The following OXR1 variants were observed in gnomAD, a reference collection of about 807,000 sequenced individuals.
OXR1 encodes the protein oxidation resistance protein 1.
In OXR1, 41 loss-of-function variants were observed where a neutral mutation model predicts 104.6. The ratio of observed to expected loss-of-function variants is 0.39; its 90% CI spans 0.31 to 0.51. The LOEUF (loss-of-function observed/expected upper bound fraction) is 0.51, where lower values mean the gene tolerates loss of function less well. Ranked by LOEUF, OXR1 falls within the 20% of genes least tolerant of loss-of-function variation. OXR1 has a pLI of 0.77. For missense variants in OXR1, 955 were observed against 1,031.9 expected, an observed-to-expected ratio of 0.93 and a Z score of 1.02; for synonymous variants, 348 against 348.4, an observed-to-expected ratio of 1.00 and a Z score of 0.01.
chr8:106,748,042 C>A (rs745747115), intron 16 of OXR1, among the ~76,000 whole-genome samples: 1 of 152,144 alleles, frequency 6.6e-6, no homozygotes, highest in South Asian at 2.1e-4. Flanking sequence ...AGTCTATTCG[C>A]GCTTTTAAGG....
chr8:106,624,534 G>A (rs111583131), intron 3 of OXR1, among the ~76,000 whole-genome samples: 2 of 152,130 alleles, frequency 1.3e-5, no homozygotes, highest in African/African-American at 4.8e-5. Context: ...ATACCAGTAA[G>A]ATGGGACAGA....
At chr8:106,443,846 G>T (rs542530749) in intron 2 of OXR1, among the ~76,000 whole-genome samples, 9 of 152,116 alleles carry the variant, frequency 5.9e-5, no homozygotes, top group African/African-American at 2.2e-4. Context: ...GACAAATGGG[G>T]TCTCATTAAG....
chr8:106,551,895 T>TGC (rs1815864122), intron 3 of OXR1, among the ~76,000 whole-genome samples: 1 of 147,688 alleles, frequency 6.8e-6, no homozygotes, highest in Non-Finnish European at 1.5e-5. Flanking sequence ...TGTGTGTGTG[T>TGC]GTGTGTATTT....
chr8:106,492,872 G>A (rs1811186410), intron 2 of OXR1, among the ~76,000 whole-genome samples: 1 of 152,108 alleles, frequency 6.6e-6, no homozygotes, highest in South Asian at 2.1e-4. Context: ...ATCCTAAATA[G>A]GAGGGTCTGT....
chr8:106,501,293 G>T (rs1251126397), intron 2 of OXR1, among the ~76,000 whole-genome samples: 1 of 152,166 alleles, frequency 6.6e-6, no homozygotes, highest in East Asian at 1.9e-4. Flanking sequence ...CTGGCTTGAA[G>T]TTGGTGCAAT....
At chr8:106,302,850 C>T (rs1449191730) in intron 1 of OXR1, among the ~76,000 whole-genome samples, 1 of 151,938 alleles carries the variant, frequency 6.6e-6, no homozygotes, top group East Asian at 2.0e-4. Flanking sequence ...CTCCCAGGTT[C>T]ATGCCATTCT....
At position 106,684,269 on chromosome 8, in the gene OXR1, A is replaced by G. The variant is rs1478820161; in HGVS notation, c.435A>G (p.Glu145=). 2 of 1,597,424 alleles carry G rather than the reference A, an allele frequency of 1.3e-6. No individual in the cohort carries two copies. Among genetic ancestry groups the G allele is most frequent in the Admixed American group, 1.7e-5 (1 of 59,864 alleles). ...TGQVLYVPDP[E]YVSSVESSPS... Reference sequence around the variant, plus strand: ...AGGTTCTGTATGTTCCTGATCCTGAATATGTCTCCAGTGTTGAGAGCTCTC... The same window carrying G: ...AGGTTCTGTATGTTCCTGATCCTGAGTATGTCTCCAGTGTTGAGAGCTCTC... The change falls in exon 6 of 17, where the codon GAA becomes GAG. Residue 145 remains glutamate (E), a synonymous_variant. Transcript: ENST00000517566.
chr8:106,435,913 A>T (rs1373111542), intron 2 of OXR1, among the ~76,000 whole-genome samples: 1 of 152,156 alleles, frequency 6.6e-6, no homozygotes, highest in Non-Finnish European at 1.5e-5. Context: ...AAGTGATCTA[A>T]CCAATCAAAA....
At chr8:106,410,852 CTGTT>C (rs1337093159) in intron 2 of OXR1, among the ~76,000 whole-genome samples, 1 of 152,188 alleles carries the variant, frequency 6.6e-6, no homozygotes, top group Non-Finnish European at 1.5e-5. Context: ...GAGGCTTCAT[CTGTT>C]TCTGTTGCAT....
At chr8:106,290,791 G>T (rs1204526726) in intron 1 of OXR1, among the ~76,000 whole-genome samples, 2 of 152,082 alleles carry the variant, frequency 1.3e-5, no homozygotes, top group Non-Finnish European at 2.9e-5. Context: ...AGTCAAACAA[G>T]AGACGATGCT....
Position 106,522,527 on chromosome 8 carries a change from T to G in OXR1, c.220+3388T>G, listed in dbSNP as rs148497684. ...CAGATATGGAGGGATGGCTGTATAATAAAATTCCATTGATTTAGAATAAGT... is the reference window on the plus strand; with the variant it reads ...CAGATATGGAGGGATGGCTGTATAAGAAAATTCCATTGATTTAGAATAAGT... On this transcript the variant is annotated intron_variant, in intron 3 of 16. Transcript: ENST00000517566. Among the ~76,000 whole-genome samples, 569 of 152,322 alleles carry G rather than the reference T, an allele frequency of 3.7e-3. 1 individual carries two copies. The highest frequency in any genetic ancestry group is 5.7e-3 in the Non-Finnish European group (390 of 68,034).
intron 7 of OXR1, among the ~76,000 whole-genome samples, chr8:106,701,742 A>G (rs1830599049): frequency 6.6e-6 from 1 of 152,188 alleles, no homozygotes; most frequent in Admixed American, 6.5e-5. Flanking sequence ...ACAAGTTTCC[A>G]GGTGTTTCTC....
intron 2 of OXR1, among the ~76,000 whole-genome samples, chr8:106,509,374 A>G (rs1047451292): frequency 6.6e-6 from 1 of 152,364 alleles, no homozygotes; most frequent in East Asian, 1.9e-4. Context: ...ATAATCAGAA[A>G]GCACATGAGG....
At chr8:106,505,055 T>A (rs1436679389) in intron 2 of OXR1, among the ~76,000 whole-genome samples, 1 of 152,234 alleles carries the variant, frequency 6.6e-6, no homozygotes, top group African/African-American at 2.4e-5. Flanking sequence ...TATTCAGTCA[T>A]AATTTTCAGA....
At chr8:106,389,923 G>A (rs1403238601) in intron 2 of OXR1, among the ~76,000 whole-genome samples, 2 of 152,090 alleles carry the variant, frequency 1.3e-5, no homozygotes, top group South Asian at 2.1e-4. Context: ...AAAATTAGCT[G>A]GAAGTGGTGG....
At chr8:106,407,305 A>G (rs1818282583) in intron 2 of OXR1, among the ~76,000 whole-genome samples, 1 of 152,190 alleles carries the variant, frequency 6.6e-6, no homozygotes, top group African/African-American at 2.4e-5. Context: ...AGGGTGAGTG[A>G]GTTCTCCTTT....
chr8:106,374,162 T>A (rs1348344971), intron 2 of OXR1, among the ~76,000 whole-genome samples: 1 of 152,216 alleles, frequency 6.6e-6, no homozygotes, highest in Non-Finnish European at 1.5e-5. Flanking sequence ...AGTCTTCTTT[T>A]ACTAGACACA....
At position 106,713,817 on chromosome 8, in the gene OXR1, T is replaced by C; in HGVS notation, c.1794-6T>C. The stretch of plus-strand genomic sequence containing the variant: ...TAGGTATATTAATAGTCACTTCTCC[T>C]AACAGGACAGATCACTTGTATGCCT... On this transcript the variant is annotated splice_region_variant and splice_polypyrimidine_tract_variant and intron_variant, in intron 10 of 16. Transcript: ENST00000517566. The C allele has an allele frequency of 6.5e-7, 1 of 1,533,802 alleles. No homozygotes were observed.
At chr8:106,704,885 T>A (rs1324642475) in intron 8 of OXR1, among the ~76,000 whole-genome samples, 1 of 152,188 alleles carries the variant, frequency 6.6e-6, no homozygotes, top group Non-Finnish European at 1.5e-5. Context: ...TATCTTTAAA[T>A]TCTGCCTTAT....
Sources: allele counts gnomAD v4.1 joint callset (sites outside exome capture counted in the v4.1 genomes callset), GRCh38; gene constraint gnomAD v4.1.1; transcripts MANE v1.5; gene names NCBI Gene and HGNC (gene_info 2026-07-23, HGNC 2026-07-21).